SMYD2: variants seen among roughly 807,000 people sequenced by gnomAD.
The protein encoded by SMYD2 is N-lysine methyltransferase SMYD2.
Under a neutral mutation model 59.1 loss-of-function variants are expected in SMYD2, and 53 were observed. The ratio of observed to expected loss-of-function variants is 0.90; its 90% CI spans 0.72 to 1.13. The LOEUF (loss-of-function observed/expected upper bound fraction) is 1.13. Ranked by LOEUF, SMYD2 falls within the 50% of genes most tolerant of loss-of-function variation. SMYD2 has a pLI of 0.00. For synonymous variants in SMYD2, 208 were observed against 198.8 expected, an observed-to-expected ratio of 1.05 and a Z score of -0.39; for missense variants, 494 against 544.7, an observed-to-expected ratio of 0.91 and a Z score of 0.93.
rs572074315 is a variant in SMYD2 at position 214,288,847 on chromosome 1, G to A, written c.173+7420G>A. On this transcript the variant is annotated intron_variant, in intron 1 of 11. Coordinates refer to ENST00000366957, the MANE Select transcript of SMYD2 (RefSeq NM_020197.3). ...TGGAATATTTTTAATATTACGCTAG[G>A]ACTAAACCAGAGTTAGTCATCTCAG... Among the ~76,000 whole-genome samples the A allele has an allele frequency of 2.6e-5, 4 of 151,690 alleles. No homozygotes were observed. The East Asian group carries it at 5.8e-4, about 22-fold the overall frequency.
rs1400521433 is a variant in SMYD2 at position 214,312,762 on chromosome 1, C to T, written c.238-2000C>T. ...GATGGGCTGGGGTGGTGCAGGGACG[C>T]TCCCATCACGTGTGGCCTCCTAGGT... On this transcript the variant is annotated intron_variant, in intron 2 of 11. Coordinates refer to ENST00000366957, the MANE Select transcript of SMYD2 (RefSeq NM_020197.3). The surrounding 1 kb of genome is among the most constrained non-coding windows in gnomAD (Gnocchi z 4.1). 6.6e-6 allele frequency among the ~76,000 whole-genome samples: 1 copy of T among 152,200 alleles called. No individual in the cohort carries two copies. The highest frequency in any genetic ancestry group is 1.5e-5 in the Non-Finnish European group (1 of 68,036).
chr1:214,287,656 T>C (rs1656572771), intron 1 of SMYD2, among the ~76,000 whole-genome samples: 2 of 151,338 alleles, frequency 1.3e-5, no homozygotes, highest in Non-Finnish European at 2.9e-5. Flanking sequence ...CAACCTTGGG[T>C]TCCCCAGAAT....
intron 5 of SMYD2, among the ~76,000 whole-genome samples, chr1:214,320,893 C>T (rs2102472357): frequency 6.6e-6 from 1 of 152,168 alleles, no homozygotes; most frequent in East Asian, 1.9e-4. Context: ...TATCCTGAGA[C>T]AATAGATTTG....
intron 5 of SMYD2, among the ~76,000 whole-genome samples, chr1:214,320,996 CAG>C (rs1194756028): frequency 2.6e-5 from 4 of 152,146 alleles, no homozygotes; most frequent in African/African-American, 9.7e-5. Flanking sequence ...TATGAGAAAG[CAG>C]AGAGATGAAA....
At chr1:214,302,452 A>G (rs1656841228) in intron 1 of SMYD2, among the ~76,000 whole-genome samples, 1 of 152,164 alleles carries the variant, frequency 6.6e-6, no homozygotes, top group Non-Finnish European at 1.5e-5. Flanking sequence ...CTGCATTGCA[A>G]ATGTTAAAAC....
intron 7 of SMYD2, among the ~76,000 whole-genome samples, chr1:214,328,118 A>G (rs1657292539): frequency 6.6e-6 from 1 of 152,024 alleles, no homozygotes; most frequent in Admixed American, 6.6e-5. Flanking sequence ...CTTGAGCCTT[A>G]TTTTATTTTA....
At chr1:214,287,855 C>T (rs1656576423) in intron 1 of SMYD2, among the ~76,000 whole-genome samples, 1 of 152,102 alleles carries the variant, frequency 6.6e-6, no homozygotes, top group Non-Finnish European at 1.5e-5. Flanking sequence ...ACAGAATTTT[C>T]CACATTGCAA....
At chr1:214,324,077 G>C (rs530075366) in intron 5 of SMYD2, among the ~76,000 whole-genome samples, 9 of 152,090 alleles carry the variant, frequency 5.9e-5, no homozygotes, top group Non-Finnish European at 1.0e-4. Flanking sequence ...ACAGGCATGC[G>C]CCACCACGCC....
chr1:214,284,731 G>A (rs1044184362), intron 1 of SMYD2, among the ~76,000 whole-genome samples: 2 of 152,042 alleles, frequency 1.3e-5, no homozygotes, highest in Non-Finnish European at 1.5e-5. Flanking sequence ...GGCCAGGCTG[G>A]TCTCGAACTC....
chr1:214,336,974 A>G lies in SMYD2; in HGVS notation c.*190A>G. The G allele has an allele frequency of 3.9e-6, 2 of 509,086 alleles. No individual in the cohort carries two copies. Among genetic ancestry groups the G allele is most frequent in the Non-Finnish European group, 6.8e-6 (2 of 293,678 alleles). The allele number at this position is 509,086 out of a possible 1,614,324, so 31.5% of individuals were successfully genotyped here. A position where few individuals can be genotyped will look rare whatever the true frequency, so the allele number is the denominator to read the frequency against. The stretch of plus-strand genomic sequence containing the variant: ...GAATCTTGAACTTTAATACCAAATT[A>G]ATTTTGAATGCTTTTGTTTCCTAAG... On this transcript the variant is annotated 3_prime_UTR_variant, in exon 12 of 12. Transcript: ENST00000366957.
intron 6 of SMYD2, among the ~76,000 whole-genome samples, chr1:214,325,086 A>G (rs1657240227): frequency 6.6e-6 from 1 of 152,234 alleles, no homozygotes; most frequent in African/African-American, 2.4e-5. Flanking sequence ...AATTGGCCAC[A>G]AGCTTGAGTA....
intron 5 of SMYD2, among the ~76,000 whole-genome samples, chr1:214,321,682 A>G (rs1269338362): frequency 6.6e-6 from 1 of 152,208 alleles, no homozygotes; most frequent in African/African-American, 2.4e-5. Context: ...CTGGGAACAT[A>G]TGCATGATTG....
chr1:214,296,415 A>G (rs1003698144), intron 1 of SMYD2, among the ~76,000 whole-genome samples: 9 of 152,208 alleles, frequency 5.9e-5, no homozygotes, highest in African/African-American at 1.2e-4. Context: ...CTTAAGTTCA[A>G]AGAGCCCTTC....
intron 1 of SMYD2, among the ~76,000 whole-genome samples, chr1:214,300,389 C>T (rs1189042650): frequency 1.3e-5 from 2 of 152,122 alleles, no homozygotes; most frequent in Non-Finnish European, 2.9e-5. Flanking sequence ...TCCTTGTTTT[C>T]TTACAATCTG....
Position 214,312,986 on chromosome 1 carries a change from C to T in SMYD2, c.238-1776C>T, listed in dbSNP as rs890451622. Among the ~76,000 whole-genome samples, 2 of 152,276 alleles carry T rather than the reference C, an allele frequency of 1.3e-5. No homozygotes were observed. The highest frequency in any genetic ancestry group is 4.1e-4 in the South Asian group (2 of 4,822). On this transcript the variant is annotated intron_variant, in intron 2 of 11. Transcript: ENST00000366957. The surrounding 1 kb of genome is among the most constrained non-coding windows in gnomAD (Gnocchi z 4.1). Reference sequence around the variant, plus strand: ...GTCATGAGAGATGTTGGGGCTGCAGCCGGGTAGAAAGGTTGTGGAGCTAAG... The same window carrying T: ...GTCATGAGAGATGTTGGGGCTGCAGTCGGGTAGAAAGGTTGTGGAGCTAAG...
chr1:214,303,407 C>G (rs1331686184), intron 1 of SMYD2, among the ~76,000 whole-genome samples: 1 of 152,164 alleles, frequency 6.6e-6, no homozygotes. Context: ...CTTGTTTCTT[C>G]TATATTCCAA....
rs143726262 is a variant in SMYD2 at position 214,324,084 on chromosome 1, C to T, written c.535-557C>T. Among the ~76,000 whole-genome samples the T allele has an allele frequency of 9.6e-3, 1,464 of 152,246 alleles. 28 individuals carry two copies. The highest frequency in any genetic ancestry group is 0.033 in the African/African-American group (1,372 of 41,554). On this transcript the variant is annotated intron_variant, in intron 5 of 11. Transcript: ENST00000366957. The stretch of plus-strand genomic sequence containing the variant: ...CTGGGATTACAGGCATGCGCCACCA[C>T]GCCTGGATAATTTTGTATTTGTATT...
intron 2 of SMYD2, 78 bp downstream of exon 2, chr1:214,305,328 G>A (rs1470019256): frequency 1.2e-5 from 16 of 1,351,674 alleles, no homozygotes; most frequent in Middle Eastern, 2.0e-4. Flanking sequence ...ATTCCTCAGC[G>A]CCCTCCTGGA....
intron 6 of SMYD2, among the ~76,000 whole-genome samples, chr1:214,325,761 T>A (rs1013788785): frequency 7.2e-6 from 1 of 138,814 alleles, no homozygotes; most frequent in Admixed American, 7.6e-5. Context: ...ATTCTGGAAG[T>A]GAGGAAAGAA....
Sources: allele counts gnomAD v4.1 joint callset (sites outside exome capture counted in the v4.1 genomes callset), GRCh38; gene constraint gnomAD v4.1.1; non-coding constraint Gnocchi (gnomAD v3.1); transcripts MANE v1.5; gene names NCBI Gene and HGNC (gene_info 2026-07-23, HGNC 2026-07-21).